The following GPRASP3 variants were observed in gnomAD, a reference collection of about 807,000 sequenced individuals.
The protein encoded by GPRASP3 is G protein-coupled receptor associated sorting protein 3.
the GPRASP3 span, chrX:102,746,316 C>T: frequency 8.9e-6 from 1 of 112,113 alleles, no homozygotes; most frequent in African/African-American, 3.2e-5. Flanking sequence ...TGCTCGAGAC[C>T]CCTGGCGATG....
chrX:102,749,829 C>A, the GPRASP3 span: 1 of 1,208,763 alleles, frequency 8.3e-7, no homozygotes, highest in Non-Finnish European at 1.1e-6. Flanking sequence ...CACAGCCTAT[C>A]CCTGAGTGTC....
chrX:102,728,079 G>A, the GPRASP3 span, among the ~76,000 whole-genome samples: 1 of 111,809 alleles, frequency 8.9e-6, no homozygotes, highest in Non-Finnish European at 1.9e-5. Flanking sequence ...GGCAGTTAAT[G>A]TAAACTATAG....
chrX:102,742,678 A>C, the GPRASP3 span, among the ~76,000 whole-genome samples: 22 of 111,380 alleles, frequency 2.0e-4, no homozygotes, highest in Non-Finnish European at 4.0e-4. Flanking sequence ...TTGAGCCATA[A>C]AGATAGCTCA....
chrX:102,730,068 A>G, the GPRASP3 span, among the ~76,000 whole-genome samples: 8,767 of 111,785 alleles, frequency 0.078, 326 homozygotes, highest in East Asian at 0.21. Flanking sequence ...GTAATAGATA[A>G]TGAAATAATT....
At chrX:102,752,629 T>C in the GPRASP3 span, 1 of 123,813 alleles carries the variant, frequency 8.1e-6, no homozygotes, top group Admixed American at 9.4e-5. Flanking sequence ...TGTCACATGC[T>C]TTTTATCTAA....
the GPRASP3 span, chrX:102,749,300 A>C: frequency 2.5e-6 from 3 of 1,211,701 alleles, no homozygotes; most frequent in Non-Finnish European, 3.4e-6. Context: ...TCCACATGTA[A>C]AAATGAGGCT....
chrX:102,723,086 T>C, the GPRASP3 span, among the ~76,000 whole-genome samples: 1 of 112,062 alleles, frequency 8.9e-6, no homozygotes, highest in Non-Finnish European at 1.9e-5. Flanking sequence ...TTATACCCCA[T>C]AAATATGTAC....
chrX:102,728,569 C>CTTT, the GPRASP3 span, among the ~76,000 whole-genome samples: 31 of 61,785 alleles, frequency 5.0e-4, 1 homozygote, highest in East Asian at 1.8e-3. Flanking sequence ...ATGTGCACTG[C>CTTT]TTTTTTTTTT....
At chrX:102,730,325 G>A in the GPRASP3 span, among the ~76,000 whole-genome samples, 21 of 112,006 alleles carry the variant, frequency 1.9e-4, no homozygotes, top group African/African-American at 6.5e-4. Flanking sequence ...GATGGGGAGT[G>A]GCTGTATATA....
At chrX:102,739,286 C>CT in the GPRASP3 span, among the ~76,000 whole-genome samples, 7 of 111,393 alleles carry the variant, frequency 6.3e-5, no homozygotes, top group African/African-American at 2.3e-4. Flanking sequence ...AAATAATTAT[C>CT]TTTTTTCTTA....
the GPRASP3 span, among the ~76,000 whole-genome samples, chrX:102,730,908 TTTTA>T: frequency 1.8e-5 from 2 of 112,520 alleles, no homozygotes; most frequent in Admixed American, 1.9e-4. Context: ...GGTCCTGGGT[TTTTA>T]TTTTCTTTTC....
chrX:102,742,483 T>C, the GPRASP3 span, among the ~76,000 whole-genome samples: 17 of 112,386 alleles, frequency 1.5e-4, no homozygotes, highest in African/African-American at 4.8e-4. Flanking sequence ...ACATCACTGT[T>C]GAAAAATCTA....
the GPRASP3 span, among the ~76,000 whole-genome samples, chrX:102,723,550 C>T: frequency 2.7e-5 from 3 of 111,558 alleles, no homozygotes; most frequent in Non-Finnish European, 5.6e-5. Context: ...TGTGTTTTTT[C>T]GAGTATGTCA....
At chrX:102,741,862 T>G in the GPRASP3 span, among the ~76,000 whole-genome samples, 6 of 112,333 alleles carry the variant, frequency 5.3e-5, no homozygotes, top group African/African-American at 1.6e-4. Context: ...TTTAAAATAT[T>G]GAAAGAAATA....
the GPRASP3 span, chrX:102,750,048 T>C: frequency 8.3e-7 from 1 of 1,200,857 alleles, no homozygotes; most frequent in Admixed American, 2.2e-5. Context: ...TGGGTGTCCA[T>C]AATGTTCACC....
At chrX:102,750,738 C>G in the GPRASP3 span, 2 of 669,335 alleles carry the variant, frequency 3.0e-6, no homozygotes, top group African/African-American at 2.2e-5. Flanking sequence ...CACAGAGTCA[C>G]CTGTGACAGG....
chrX:102,735,724 A>C, the GPRASP3 span, among the ~76,000 whole-genome samples: 1 of 112,375 alleles, frequency 8.9e-6, no homozygotes, highest in South Asian at 3.6e-4. Context: ...CTTTTGCAAT[A>C]TATTTTTCAC....
the GPRASP3 span, among the ~76,000 whole-genome samples, chrX:102,731,899 C>A: frequency 8.9e-6 from 1 of 111,824 alleles, no homozygotes; most frequent in Non-Finnish European, 1.9e-5. Flanking sequence ...GGAGTGCCCC[C>A]AGAAGGTCAT....
chrX:102,741,405 T>C, the GPRASP3 span, among the ~76,000 whole-genome samples: 2 of 112,010 alleles, frequency 1.8e-5, no homozygotes, highest in Non-Finnish European at 3.8e-5. Flanking sequence ...GAAAGTTATA[T>C]GCATGCCCAT....
Sources: allele counts gnomAD v4.1 joint callset (sites outside exome capture counted in the v4.1 genomes callset), GRCh38; gene constraint gnomAD v4.1.1; transcripts MANE v1.5; gene names NCBI Gene and HGNC (gene_info 2026-07-23, HGNC 2026-07-21).